Variants in MYO5B observed in about 807,000 individuals in gnomAD.
The protein encoded by MYO5B is unconventional myosin-Vb.
Under a neutral mutation model 229.3 loss-of-function variants are expected in MYO5B, and 143 were observed. The observed-to-expected ratio is 0.62, with a 90% CI of 0.54 to 0.72. MYO5B has a LOEUF of 0.72. MYO5B is among the 30% of genes least tolerant of loss of function. MYO5B has a pLI of 0.00. For missense variants in MYO5B, 2,321 were observed against 2,331.0 expected (o/e 1.00, Z 0.09); for synonymous variants, 918 against 885.2 (o/e 1.04, Z -0.66).
At chr18:49,977,082 A>G (rs1486016376) in intron 9 of MYO5B, among the ~76,000 whole-genome samples, 1 of 152,090 alleles carries the variant, frequency 6.6e-6, no homozygotes, top group East Asian at 1.9e-4. Context: ...GAGAAAGCAC[A>G]AGTTAGAGAC....
At chr18:50,088,432 G>A (rs2031377819) in intron 1 of MYO5B, among the ~76,000 whole-genome samples, 1 of 152,164 alleles carries the variant, frequency 6.6e-6, no homozygotes, top group Admixed American at 6.5e-5. Context: ...TACAAGTGCA[G>A]CACTGGTAAA....
chr18:49,831,692 G>C (rs1374088760), intron 39 of MYO5B, among the ~76,000 whole-genome samples: 1 of 152,134 alleles, frequency 6.6e-6, no homozygotes, highest in Non-Finnish European at 1.5e-5. Flanking sequence ...CTGTGGAAAA[G>C]TTTCAGATTC....
Position 50,194,952 on chromosome 18 carries a change from G to A in MYO5B, c.-159C>T. The A allele has an allele frequency of 1.8e-6, 2 of 1,081,306 alleles. No individual in the cohort carries two copies. The highest frequency in any genetic ancestry group is 2.3e-6 in the Non-Finnish European group (2 of 859,256). The allele number at this position is 1,081,306 out of a possible 1,614,324, so 67.0% of individuals were successfully genotyped here. ...CCCGCCGGCTTCCCGCAGGCGCCGCGGCCGGCTCGCTCCCGGCGGCGCGAC... is the reference window on the plus strand; with the variant it reads ...CCCGCCGGCTTCCCGCAGGCGCCGCAGCCGGCTCGCTCCCGGCGGCGCGAC... On this transcript the variant is annotated 5_prime_UTR_variant, in exon 1 of 40. Transcript: ENST00000285039.
In MYO5B at chr18:49,839,214, C is replaced by T. The variant is rs750079972; in HGVS notation, c.4782G>A (p.Leu1594=). Residue 1594 remains leucine, a synonymous_variant, in exon 36 of 40, where the codon CTG becomes CTA. Transcript: ENST00000285039. ...NFDLTEYRQV[L]SDLSIQIYQQ... is the part of the protein sequence containing the mutation. ...GGTAGATCTGAATGGAAAGGTCACTCAGCACCTGACGGTATTCGGTGAGGT... is the reference window on the plus strand; with the variant it reads ...GGTAGATCTGAATGGAAAGGTCACTTAGCACCTGACGGTATTCGGTGAGGT... 2 of 1,614,194 alleles carry T rather than the reference C, an allele frequency of 1.2e-6. No homozygotes were observed. Among genetic ancestry groups the T allele is most frequent in the South Asian group, 2.2e-5 (2 of 91,086 alleles).
At chr18:50,043,378 AT>A (rs2030097600) in intron 2 of MYO5B, among the ~76,000 whole-genome samples, 1 of 104,780 alleles carries the variant, frequency 9.5e-6, no homozygotes, top group Non-Finnish European at 1.8e-5. Context: ...ATAATATATA[AT>A]ATATTAAATA....
At position 50,015,243 on chromosome 18, in the gene MYO5B, G is replaced by A. The variant is rs148127138; in HGVS notation, c.456-13832C>T. The stretch of plus-strand genomic sequence containing the variant: ...ACTATCTTGTGCATTGGAGGGAAAT[G>A]AACCCCTCTGACCTAGTGAACTTCA... On this transcript the variant is annotated intron_variant, in intron 4 of 39. Coordinates refer to ENST00000285039, the MANE Select transcript of MYO5B (RefSeq NM_001080467.3). Among the ~76,000 whole-genome samples, 287 of 152,236 alleles carry A rather than the reference G, an allele frequency of 1.9e-3. 5 individuals are homozygous for A. The East Asian group carries it at 0.046, about 24-fold the overall frequency.
intron 1 of MYO5B, among the ~76,000 whole-genome samples, chr18:50,111,811 T>C (rs1333789579): frequency 6.6e-6 from 1 of 152,250 alleles, no homozygotes; most frequent in Non-Finnish European, 1.5e-5. Context: ...TTCATTTCTT[T>C]GAACTTCTGA....
intron 14 of MYO5B, among the ~76,000 whole-genome samples, chr18:49,949,546 C>A (rs149370768): frequency 1.3e-5 from 2 of 152,132 alleles, no homozygotes; most frequent in Non-Finnish European, 2.9e-5. Flanking sequence ...TTTCACTGCT[C>A]GTAGTGGGAG....
rs564040899 is a variant in MYO5B, at chr18:50,188,771, G to A, written c.27+5996C>T. On this transcript the variant is annotated intron_variant, in intron 1 of 39. Transcript: ENST00000285039. ...CACTGCACTCTAGACTGGTGACACA[G>A]TGAGACTCTGTCATAAAAAAAAAAA... Among the ~76,000 whole-genome samples the A allele has an allele frequency of 4.8e-5, 5 of 104,996 alleles. No homozygotes were observed. In the East Asian group the frequency reaches 1.6e-3, roughly 33 times the overall value. The allele number at this position is 104,996 out of a possible 152,430, so 68.9% of individuals were successfully genotyped here.
intron 3 of MYO5B, among the ~76,000 whole-genome samples, chr18:50,037,259 A>T (rs1421193388): frequency 6.6e-6 from 1 of 152,082 alleles, no homozygotes; most frequent in East Asian, 1.9e-4. Context: ...GCTAAAAAAA[A>T]AAAATTGAGT....
intron 36 of MYO5B, among the ~76,000 whole-genome samples, chr18:49,838,936 C>T (rs187235154): frequency 6.6e-6 from 1 of 152,328 alleles, no homozygotes; most frequent in Non-Finnish European, 1.5e-5. Flanking sequence ...AAGGGAAAGT[C>T]ATCTATGCCT....
At chr18:50,179,976 A>G (rs1425301413) in intron 1 of MYO5B, among the ~76,000 whole-genome samples, 1 of 152,216 alleles carries the variant, frequency 6.6e-6, no homozygotes, top group Non-Finnish European at 1.5e-5. Flanking sequence ...AGGAAGGTCC[A>G]TAACCATAAG....
At chr18:50,099,879 CT>C (rs1352961815) in intron 1 of MYO5B, among the ~76,000 whole-genome samples, 1 of 152,174 alleles carries the variant, frequency 6.6e-6, no homozygotes, top group Non-Finnish European at 1.5e-5. Context: ...TAAATATAGA[CT>C]ACTATTTACT....
intron 1 of MYO5B, among the ~76,000 whole-genome samples, chr18:50,165,270 T>C (rs1436201573): frequency 2.0e-5 from 3 of 151,894 alleles, no homozygotes; most frequent in African/African-American, 7.3e-5. Flanking sequence ...ATCACTTGAG[T>C]CCAGGAGTTT....
intron 1 of MYO5B, among the ~76,000 whole-genome samples, chr18:50,080,611 G>A (rs1212480637): frequency 6.6e-6 from 1 of 152,184 alleles, no homozygotes; most frequent in Non-Finnish European, 1.5e-5. Context: ...AGTATTAGCT[G>A]TTTGAGTTAG....
chr18:50,165,550 C>A (rs903397662), intron 1 of MYO5B, among the ~76,000 whole-genome samples: 2 of 152,092 alleles, frequency 1.3e-5, no homozygotes, highest in South Asian at 2.1e-4. Context: ...CCAAGGCAGG[C>A]GGATCACTTA....
intron 19 of MYO5B, among the ~76,000 whole-genome samples, chr18:49,906,053 C>T (rs569879557): frequency 1.3e-5 from 2 of 152,154 alleles, no homozygotes; most frequent in Non-Finnish European, 2.9e-5. Flanking sequence ...AGTAATGAGG[C>T]CAAGCACAGG....
At chr18:50,032,251 T>C (rs112584117) in intron 4 of MYO5B, among the ~76,000 whole-genome samples, 9 of 152,326 alleles carry the variant, frequency 5.9e-5, no homozygotes, top group African/African-American at 2.2e-4. Flanking sequence ...TATAATTCTA[T>C]GATTTTTAGT....
Position 49,864,288 on chromosome 18 carries a change from G to A in MYO5B, c.3696C>T (p.Ser1232=). ...AVADQATQNN[S]SHGSPDSYSL... ...TGTAGCTATCTGGGGAGCCGTGGCTGGAGTTATTCTGCGTGGCTTGGTCGG... is the reference window on the plus strand; with the variant it reads ...TGTAGCTATCTGGGGAGCCGTGGCTAGAGTTATTCTGCGTGGCTTGGTCGG... Residue 1232 remains serine, a synonymous_variant, in exon 28 of 40, where the codon TCC becomes TCT. Coordinates refer to ENST00000285039, the MANE Select transcript of MYO5B (RefSeq NM_001080467.3). The A allele has an allele frequency of 6.2e-7, 1 of 1,614,214 alleles. No homozygotes were observed. The highest frequency in any genetic ancestry group is 8.5e-7 in the Non-Finnish European group (1 of 1,180,046).
Sources: allele counts gnomAD v4.1 joint callset (sites outside exome capture counted in the v4.1 genomes callset), GRCh38; gene constraint gnomAD v4.1.1; transcripts MANE v1.5; gene names NCBI Gene and HGNC (gene_info 2026-07-23, HGNC 2026-07-21).